Variants in ADGRL2 observed in about 807,000 individuals in gnomAD.
The protein encoded by ADGRL2 is adhesion G protein-coupled receptor L2, also known as calcium-independent alpha-latrotoxin receptor 2.
ADGRL2 carries 44 observed loss-of-function variants against 157.4 expected under a neutral mutation model. That is an observed-to-expected ratio of 0.28 (90% CI 0.22 to 0.36). ADGRL2 has a LOEUF of 0.36. ADGRL2 is among the 10% of genes least tolerant of loss of function. The probability of loss-of-function intolerance (pLI) is 1.00; values close to 1 mark genes in which losing one functional copy is unlikely to be tolerated. For missense variants in ADGRL2, 1,510 were observed against 1,768.9 expected, an observed-to-expected ratio of 0.85 and a Z score of 2.63; for synonymous variants, 585 against 624.7, an observed-to-expected ratio of 0.94 and a Z score of 0.95.
At chr1:81,341,031 C>T (rs1046137333) in intron 1 of ADGRL2, among the ~76,000 whole-genome samples, 4 of 151,946 alleles carry the variant, frequency 2.6e-5, no homozygotes, top group Non-Finnish European at 1.5e-5. Context: ...ATGTTTGAAA[C>T]CTATCACATG....
At chr1:81,750,859 G>C (rs1479731648) in intron 1 of ADGRL2, among the ~76,000 whole-genome samples, 4 of 152,170 alleles carry the variant, frequency 2.6e-5, no homozygotes, top group Non-Finnish European at 5.9e-5. Context: ...TGGATGGATA[G>C]ATAAATGGAT....
At chr1:81,367,773 A>C (rs2076092416) in intron 1 of ADGRL2, among the ~76,000 whole-genome samples, 1 of 152,142 alleles carries the variant, frequency 6.6e-6, no homozygotes, top group African/African-American at 2.4e-5. Flanking sequence ...GCTAGACTCG[A>C]ACTCCTGACC....
chr1:81,700,846 G>A (rs1402165791), intron 1 of ADGRL2, among the ~76,000 whole-genome samples: 1 of 152,200 alleles, frequency 6.6e-6, no homozygotes, highest in Non-Finnish European at 1.5e-5. Flanking sequence ...GTTGAATGTA[G>A]AGTGATGACT....
At chr1:81,679,022 C>T (rs943423223) in intron 3 of ADGRL2, among the ~76,000 whole-genome samples, 4 of 152,102 alleles carry the variant, frequency 2.6e-5, no homozygotes, top group African/African-American at 9.7e-5. Context: ...GAATATGAGG[C>T]ATAAACATGA....
chr1:81,922,823 T>A (rs1316135459), intron 3 of ADGRL2, among the ~76,000 whole-genome samples: 2 of 152,106 alleles, frequency 1.3e-5, no homozygotes, highest in African/African-American at 4.8e-5. Context: ...TGAGACCAGC[T>A]GGACCAAAAT....
At chr1:81,363,915 T>C (rs1157069134) in intron 1 of ADGRL2, among the ~76,000 whole-genome samples, 1 of 152,186 alleles carries the variant, frequency 6.6e-6, no homozygotes, top group East Asian at 1.9e-4. Flanking sequence ...AAATATCTAC[T>C]GTATGAATGT....
At chr1:81,847,052 T>G (rs2092819985) in intron 2 of ADGRL2, among the ~76,000 whole-genome samples, 1 of 151,612 alleles carries the variant, frequency 6.6e-6, no homozygotes, top group African/African-American at 2.4e-5. Context: ...ACCTGAACAT[T>G]TCTCCAGTTG....
intron 1 of ADGRL2, among the ~76,000 whole-genome samples, chr1:81,411,428 G>C (rs1025608105): frequency 1.3e-5 from 2 of 152,128 alleles, no homozygotes; most frequent in Non-Finnish European, 2.9e-5. Flanking sequence ...GCAGCCCCAT[G>C]AGGGAGATAT....
At chr1:81,391,163 C>A (rs983932899) in intron 1 of ADGRL2, among the ~76,000 whole-genome samples, 2 of 152,300 alleles carry the variant, frequency 1.3e-5, no homozygotes, top group African/African-American at 2.4e-5. Context: ...TGAAACTCAC[C>A]AAAATTGATT....
chr1:81,672,725 C>A (rs1339061064), intron 3 of ADGRL2, among the ~76,000 whole-genome samples: 1 of 151,946 alleles, frequency 6.6e-6, no homozygotes, highest in Non-Finnish European at 1.5e-5. Flanking sequence ...GGAAAATTGA[C>A]TAGTGTTTTA....
intron 1 of ADGRL2, among the ~76,000 whole-genome samples, chr1:81,830,373 T>TGCAATA (rs2091858568): frequency 1.3e-5 from 2 of 152,192 alleles, no homozygotes; most frequent in African/African-American, 4.8e-5. Flanking sequence ...AAATGTAAGT[T>TGCAATA]TAGATAACAC....
intron 3 of ADGRL2, among the ~76,000 whole-genome samples, chr1:81,616,674 C>CTTT (rs1393879384): frequency 3.1e-3 from 161 of 51,798 alleles, no homozygotes; most frequent in Middle Eastern, 0.018. Context: ...CTTTTCTTTT[C>CTTT]TTTTCTTTTT....
rs1557692421 is a variant in ADGRL2, at chr1:81,442,583, GGA to G, written c.-301-2452_-301-2451del. Reference sequence around the variant, plus strand: ...TGTGAAGACTAAATAAGTCTATGTAGGAAATTTTCCTTTGTTACCTGTCATAG... The same window carrying G: ...TGTGAAGACTAAATAAGTCTATGTAGAATTTTCCTTTGTTACCTGTCATAG... On this transcript the variant is annotated intron_variant, in intron 1 of 24. Coordinates refer to the ADGRL2 transcript ENST00000370721. 1.3e-4 allele frequency among the ~76,000 whole-genome samples: 20 copies of G among 152,272 alleles called. No individual in the cohort carries two copies. In the South Asian group the frequency reaches 4.1e-3, roughly 32 times the overall value.
chr1:81,835,309 T>C (rs990362977), intron 1 of ADGRL2, among the ~76,000 whole-genome samples: 1 of 152,150 alleles, frequency 6.6e-6, no homozygotes, highest in Non-Finnish European at 1.5e-5. Flanking sequence ...TTATTCTGAT[T>C]GCTTGATCAG....
At chr1:81,860,322 TTTTATTTTTATTTTA>T (rs2093350189) in intron 2 of ADGRL2, among the ~76,000 whole-genome samples, 1 of 152,150 alleles carries the variant, frequency 6.6e-6, no homozygotes, top group Non-Finnish European at 1.5e-5. Flanking sequence ...TAAAAAGACC[TTTTATTTTTATTTTA>T]TTTATTAACT....
At chr1:81,691,513 T>C (rs1475117628) in intron 3 of ADGRL2, among the ~76,000 whole-genome samples, 1 of 152,124 alleles carries the variant, frequency 6.6e-6, no homozygotes, top group Non-Finnish European at 1.5e-5. Context: ...GACTTTTTTT[T>C]TTGAGACGGA....
At chr1:81,614,842 C>T (rs1405910002) in intron 3 of ADGRL2, among the ~76,000 whole-genome samples, 6 of 127,268 alleles carry the variant, frequency 4.7e-5, no homozygotes, top group Non-Finnish European at 1.0e-4. Flanking sequence ...CCCATCTCTA[C>T]AAATTAAAAA....
At chr1:81,551,049 G>C (rs149210357) in intron 2 of ADGRL2, among the ~76,000 whole-genome samples, 1 of 152,230 alleles carries the variant, frequency 6.6e-6, no homozygotes, top group African/African-American at 2.4e-5. Context: ...GATGTACTGA[G>C]ACTCATTGAG....
At chr1:81,369,804 TGTAATCGTACAGGAAGCACTA>T (rs2076131269) in intron 1 of ADGRL2, among the ~76,000 whole-genome samples, 1 of 152,214 alleles carries the variant, frequency 6.6e-6, no homozygotes, top group South Asian at 2.1e-4. Context: ...ATGAAGCACT[TGTAATCGTACAGGAAGCACTA>T]GACTACATTT....
Sources: gnomAD v4.1 joint callset for allele counts (sites outside exome capture counted in the v4.1 genomes callset) on GRCh38, gnomAD v4.1.1 for gene constraint, MANE v1.5 for transcripts, NCBI Gene and HGNC (gene_info 2026-07-23, HGNC 2026-07-21) for gene names.